Variants in ZNF718 observed in about 807,000 individuals in gnomAD.
ZNF718 encodes zinc finger protein 718.
In ZNF718, 3 loss-of-function variants were observed where a neutral mutation model predicts 2.6. The ratio of observed to expected loss-of-function variants is 1.16; its 90% CI spans 0.53 to 3.01. The LOEUF (loss-of-function observed/expected upper bound fraction) is 3.01. ZNF718 is among the 30% of genes most tolerant of loss of function. ZNF718 has a pLI of 0.03. For synonymous variants in ZNF718, 135 were observed against 77.9 expected (o/e 1.73, Z -3.86); for missense variants, 468 against 230.0 (o/e 2.03, Z -6.69).
chr4:173,309 C>T (rs188348333), intron 3 of ZNF718, among the ~76,000 whole-genome samples: 1 of 152,078 alleles, frequency 6.6e-6, no homozygotes, highest in African/African-American at 2.4e-5. Context: ...ATTTTATTAC[C>T]TTCGTTAATA....
chr4:135,319 G>A (rs1025555121), intron 3 of ZNF718, among the ~76,000 whole-genome samples: 11 of 151,622 alleles, frequency 7.3e-5, no homozygotes, highest in Admixed American at 3.9e-4. Flanking sequence ...TCTTGATGAC[G>A]TGTGCCCAAG....
intron 3 of ZNF718, among the ~76,000 whole-genome samples, chr4:199,874 G>A (rs1239327279): frequency 1.3e-5 from 2 of 152,168 alleles, no homozygotes; most frequent in African/African-American, 2.4e-5. Flanking sequence ...GACCTGTTTT[G>A]TTTTTTCTTT....
intron 3 of ZNF718, among the ~76,000 whole-genome samples, chr4:177,851 G>A (rs373038482): frequency 1.5e-4 from 23 of 152,092 alleles, no homozygotes; most frequent in African/African-American, 5.1e-4. Flanking sequence ...GTCTCAATCT[G>A]TTGAGGGGAG....
At chr4:157,430 T>C (rs1716625470) in intron 3 of ZNF718, among the ~76,000 whole-genome samples, 1 of 152,138 alleles carries the variant, frequency 6.6e-6, no homozygotes, top group Non-Finnish European at 1.5e-5. Context: ...GTTTTTCTTA[T>C]TGAAGATCGC....
intron 3 of ZNF718, among the ~76,000 whole-genome samples, chr4:133,638 A>G (rs140021933): frequency 3.3e-5 from 5 of 152,338 alleles, no homozygotes; most frequent in Non-Finnish European, 7.4e-5. Flanking sequence ...AAGTGAAGCA[A>G]CATATTAAGT....
At chr4:179,192 A>G (rs1474376870) in intron 3 of ZNF718, among the ~76,000 whole-genome samples, 1 of 152,174 alleles carries the variant, frequency 6.6e-6, no homozygotes, top group African/African-American at 2.4e-5. Context: ...AAATTATTTG[A>G]TAATATTCCC....
chr4:171,743 AT>A (rs1553818079), intron 3 of ZNF718, among the ~76,000 whole-genome samples: 9 of 152,010 alleles, frequency 5.9e-5, no homozygotes, highest in Non-Finnish European at 1.2e-4. Flanking sequence ...GCCGTCTGTC[AT>A]CCCTTTCTTT....
At chr4:188,027 C>T (rs1553820654) in intron 3 of ZNF718, among the ~76,000 whole-genome samples, 1 of 152,190 alleles carries the variant, frequency 6.6e-6, no homozygotes, top group Non-Finnish European at 1.5e-5. Context: ...TTATGCCATG[C>T]CTCGACAAAA....
At chr4:181,284 G>T (rs2108813379) in intron 3 of ZNF718, among the ~76,000 whole-genome samples, 1 of 149,696 alleles carries the variant, frequency 6.7e-6, no homozygotes, top group Middle Eastern at 3.5e-3. Flanking sequence ...AGGATTACAG[G>T]CATAAGCCAT....
At chr4:186,065 T>A (rs188834062) in intron 3 of ZNF718, among the ~76,000 whole-genome samples, 3 of 152,148 alleles carry the variant, frequency 2.0e-5, no homozygotes, top group Admixed American at 2.0e-4. Flanking sequence ...TTTATAGACT[T>A]GTTTATGTGG....
intron 3 of ZNF718, chr4:136,326 C>A: frequency 1.9e-6 from 1 of 518,230 alleles, no homozygotes. Context: ...CACAGGACTG[C>A]TTCAGGGAAC....
chr4:197,872 G>A (rs1293454028), intron 3 of ZNF718, among the ~76,000 whole-genome samples: 3 of 152,194 alleles, frequency 2.0e-5, no homozygotes, highest in African/African-American at 7.2e-5. Flanking sequence ...CTAAGTGATG[G>A]ATGACTAGAT....
chr4:178,941 A>C (rs868944795), intron 3 of ZNF718, among the ~76,000 whole-genome samples: 7 of 152,268 alleles, frequency 4.6e-5, no homozygotes, highest in African/African-American at 1.7e-4. Flanking sequence ...TTCTGCTTTT[A>C]ATGTAATACT....
intron 3 of ZNF718, among the ~76,000 whole-genome samples, chr4:173,909 G>A (rs1717295685): frequency 1.3e-5 from 2 of 152,174 alleles, no homozygotes; most frequent in Non-Finnish European, 2.9e-5. Context: ...GCCGTGAATA[G>A]CCATTGATGC....
downstream of ZNF718, among the ~76,000 whole-genome samples, chr4:167,166 T>C (rs1170604434): frequency 1.3e-5 from 2 of 152,192 alleles, 1 homozygote; most frequent in Non-Finnish European, 2.9e-5. Flanking sequence ...GTTGTAGATA[T>C]GTGGCATTAT....
intron 3 of ZNF718, among the ~76,000 whole-genome samples, chr4:180,496 A>G (rs1250490719): frequency 1.3e-5 from 2 of 152,194 alleles, no homozygotes; most frequent in East Asian, 1.9e-4. Flanking sequence ...AATCACAAGC[A>G]ATTTCACTCT....
intron 3 of ZNF718, among the ~76,000 whole-genome samples, chr4:189,016 T>C (rs934423201): frequency 8.6e-5 from 13 of 151,956 alleles, no homozygotes; most frequent in African/African-American, 2.4e-4. Context: ...TCAATTTACA[T>C]TGAAAATAAT....
intron 3 of ZNF718, among the ~76,000 whole-genome samples, chr4:171,794 G>T (rs932746355): frequency 6.6e-6 from 1 of 152,152 alleles, no homozygotes; most frequent in Non-Finnish European, 1.5e-5. Context: ...GTGCTTCCCG[G>T]GTGAGGCAAT....
chr4:198,601 G>A (rs1717839011), intron 3 of ZNF718, among the ~76,000 whole-genome samples: 1 of 152,156 alleles, frequency 6.6e-6, no homozygotes, highest in South Asian at 2.1e-4. Context: ...CCCCAGCCAA[G>A]GATTTGACAT....
Sources: allele counts gnomAD v4.1 joint callset (sites outside exome capture counted in the v4.1 genomes callset), GRCh38; gene constraint gnomAD v4.1.1; transcripts MANE v1.5; gene names NCBI Gene and HGNC (gene_info 2026-07-23, HGNC 2026-07-21).